The following CACNA2D3 variants were observed in gnomAD, a reference collection of about 807,000 sequenced individuals.
The protein encoded by CACNA2D3 is calcium voltage-gated channel auxiliary subunit alpha2delta 3.
In CACNA2D3, 60 loss-of-function variants were observed where a neutral mutation model predicts 160.6. The ratio of observed to expected loss-of-function variants is 0.37; its 90% CI spans 0.30 to 0.46. CACNA2D3 has a LOEUF of 0.46. CACNA2D3 is among the 20% of genes least tolerant of loss of function. The pLI is 1.00. For synonymous variants in CACNA2D3, 558 were observed against 492.9 expected, an observed-to-expected ratio of 1.13 and a Z score of -1.75; for missense variants, 1,205 against 1,365.0, an observed-to-expected ratio of 0.88 and a Z score of 1.85.
intron 17 of CACNA2D3, among the ~76,000 whole-genome samples, chr3:54,867,861 G>C (rs1213541643): frequency 6.6e-6 from 1 of 152,184 alleles, no homozygotes; most frequent in Non-Finnish European, 1.5e-5. Flanking sequence ...ACCCACCTCT[G>C]AACCAGTGAC....
chr3:54,381,010 TA>T (rs1288410128), intron 3 of CACNA2D3, among the ~76,000 whole-genome samples: 3 of 152,158 alleles, frequency 2.0e-5, no homozygotes, highest in Non-Finnish European at 1.5e-5. Flanking sequence ...GCTTAAACCT[TA>T]TTTGAGAAAG....
At chr3:54,725,515 TA>T (rs1220085061) in intron 11 of CACNA2D3, among the ~76,000 whole-genome samples, 1 of 152,136 alleles carries the variant, frequency 6.6e-6, no homozygotes, top group East Asian at 1.9e-4. Context: ...AAATCTTCAA[TA>T]AAAAACTGGC....
intron 2 of CACNA2D3, among the ~76,000 whole-genome samples, chr3:54,172,964 G>C (rs973262074): frequency 6.6e-6 from 1 of 152,208 alleles, no homozygotes; most frequent in Admixed American, 6.5e-5. Context: ...GGGGTGACCA[G>C]CTATCCTGGT....
intron 2 of CACNA2D3, among the ~76,000 whole-genome samples, chr3:54,306,163 T>C (rs73091593): frequency 0.088 from 13,366 of 152,204 alleles, 825 homozygotes; most frequent in South Asian, 0.13. Context: ...GTACCTGTGG[T>C]CTGCTGCACC....
intron 17 of CACNA2D3, among the ~76,000 whole-genome samples, chr3:54,859,971 T>TGCGCGCAC (rs141605463): frequency 1.6e-5 from 1 of 61,174 alleles, no homozygotes; most frequent in Admixed American, 1.9e-4. Flanking sequence ...GGAAAGTAGA[T>TGCGCGCAC]GCACACACAC....
At chr3:54,705,761 G>T (rs1309360439) in intron 11 of CACNA2D3, among the ~76,000 whole-genome samples, 1 of 152,160 alleles carries the variant, frequency 6.6e-6, no homozygotes, top group Non-Finnish European at 1.5e-5. Flanking sequence ...AAGAGTATAA[G>T]TTGCTTCAAA....
At chr3:54,519,263 G>A (rs1049420758) in intron 5 of CACNA2D3, among the ~76,000 whole-genome samples, 1 of 152,204 alleles carries the variant, frequency 6.6e-6, no homozygotes, top group African/African-American at 2.4e-5. Flanking sequence ...TCAGTGTCCT[G>A]GTGTTAACAG....
intron 5 of CACNA2D3, among the ~76,000 whole-genome samples, chr3:54,504,603 C>T (rs1266293254): frequency 1.3e-5 from 2 of 152,164 alleles, no homozygotes; most frequent in Middle Eastern, 3.2e-3. Flanking sequence ...GAACTATCCT[C>T]CTAGAAAAAT....
At chr3:54,737,500 T>C (rs1701558041) in intron 11 of CACNA2D3, among the ~76,000 whole-genome samples, 2 of 152,082 alleles carry the variant, frequency 1.3e-5, no homozygotes, top group African/African-American at 4.8e-5. Flanking sequence ...AAGGAATTTT[T>C]TACAAGTCTA....
chr3:54,279,336 A>T lies in CACNA2D3; in HGVS notation c.205-41106A>T, dbSNP rs558343066. 2.0e-5 allele frequency among the ~76,000 whole-genome samples: 3 copies of T among 152,198 alleles called. No homozygotes were observed. In the East Asian group the frequency reaches 5.8e-4, roughly 29 times the overall value. On this transcript the variant is annotated intron_variant, in intron 2 of 37. Transcript: ENST00000474759. ...AGGCGGGTGGGCAGCAGTGACCTTC[A>T]CTGTGTGTGTGGGAGTGAGGACCAA... is the stretch of plus-strand genomic sequence containing the variant.
chr3:54,849,539 T>A (rs1019893440), intron 17 of CACNA2D3, among the ~76,000 whole-genome samples: 1 of 152,198 alleles, frequency 6.6e-6, no homozygotes, highest in African/African-American at 2.4e-5. Context: ...ATCCAGTGTC[T>A]TCATGGACCA....
chr3:54,716,758 C>T (rs1701058641), intron 11 of CACNA2D3, among the ~76,000 whole-genome samples: 1 of 152,130 alleles, frequency 6.6e-6, no homozygotes, highest in African/African-American at 2.4e-5. Flanking sequence ...GTCTCAGCTT[C>T]CAAGCTAAAC....
intron 21 of CACNA2D3, among the ~76,000 whole-genome samples, chr3:54,883,099 C>A (rs1699840801): frequency 6.6e-6 from 1 of 152,094 alleles, no homozygotes; most frequent in South Asian, 2.1e-4. Context: ...CAGCTCACTG[C>A]AGCCTCCACC....
chr3:54,363,209 G>A (rs999775764), intron 3 of CACNA2D3, among the ~76,000 whole-genome samples: 6 of 149,250 alleles, frequency 4.0e-5, no homozygotes, highest in South Asian at 2.1e-4. Flanking sequence ...ATATATATAT[G>A]AGAATGTGCA....
chr3:54,904,663 T>A (rs189925687), intron 27 of CACNA2D3, among the ~76,000 whole-genome samples: 55 of 152,314 alleles, frequency 3.6e-4, no homozygotes, highest in African/African-American at 1.2e-3. Flanking sequence ...TATCTTTTTA[T>A]TCCCAGTGCC....
chr3:54,148,168 T>A (rs558585139), intron 2 of CACNA2D3, among the ~76,000 whole-genome samples: 1 of 152,368 alleles, frequency 6.6e-6, no homozygotes, highest in African/African-American at 2.4e-5. Context: ...CACGGGCTCT[T>A]AGCTCCAGAT....
chr3:54,826,845 G>T (rs1047016805), intron 14 of CACNA2D3, among the ~76,000 whole-genome samples: 1 of 151,784 alleles, frequency 6.6e-6, no homozygotes, highest in African/African-American at 2.4e-5. Flanking sequence ...ATGCAATTCA[G>T]GAGATAGATG....
At chr3:54,533,825 GTGTT>G (rs899195702) in intron 5 of CACNA2D3, among the ~76,000 whole-genome samples, 1 of 126,332 alleles carries the variant, frequency 7.9e-6, no homozygotes, top group African/African-American at 3.0e-5. Context: ...GTGTGTGTGT[GTGTT>G]AATAGGGTGT....
chr3:54,170,519 T>C (rs1447271648), intron 2 of CACNA2D3, among the ~76,000 whole-genome samples: 1 of 152,190 alleles, frequency 6.6e-6, no homozygotes, highest in African/African-American at 2.4e-5. Context: ...AAAATATTGC[T>C]GCTGTTTTGG....
Sources: allele counts gnomAD v4.1 joint callset (sites outside exome capture counted in the v4.1 genomes callset), GRCh38; gene constraint gnomAD v4.1.1; transcripts MANE v1.5; gene names NCBI Gene and HGNC (gene_info 2026-07-23, HGNC 2026-07-21).